Variants in CYB5R3 observed in about 807,000 individuals in gnomAD.
CYB5R3 encodes NADH-cytochrome b5 reductase 3.
A neutral mutation model predicts 36.5 loss-of-function variants in CYB5R3; 28 were observed. The ratio of observed to expected loss-of-function variants is 0.77; its 90% CI spans 0.57 to 1.05. The LOEUF (loss-of-function observed/expected upper bound fraction) is 1.05, where lower values mean the gene tolerates loss of function less well. Ranked by LOEUF, CYB5R3 falls within the 50% of genes least tolerant of loss-of-function variation. CYB5R3 has a pLI of 0.00. For synonymous variants in CYB5R3, 181 were observed against 159.8 expected, an observed-to-expected ratio of 1.13 and a Z score of -1.00; for missense variants, 474 against 408.9, an observed-to-expected ratio of 1.16 and a Z score of -1.37.
intron 2 of CYB5R3, among the ~76,000 whole-genome samples, chr22:42,634,911 T>G (rs1928810440): frequency 6.6e-6 from 1 of 150,816 alleles, no homozygotes; most frequent in African/African-American, 2.4e-5. Flanking sequence ...TTCACGCCAT[T>G]CTCCTGCTTC....
At chr22:42,627,810 A>G (rs1928369449) in intron 5 of CYB5R3, 122 bp from the exon 6 acceptor site, 1 of 797,764 alleles carries the variant, frequency 1.3e-6, no homozygotes. Flanking sequence ...GGCAGCTGCC[A>G]TTCTAACGCG....
In CYB5R3 at chr22:42,618,228, A is replaced by C. The variant is rs1927729841; in HGVS notation, c.*1545T>G. The stretch of plus-strand genomic sequence containing the variant: ...CTCTGCACTTTCCAAATTTTCTACC[A>C]CAAAGATACATCAGAAATAAATGCT... On this transcript the variant is annotated 3_prime_UTR_variant, in exon 9 of 9. Coordinates refer to ENST00000352397, the MANE Select transcript of CYB5R3 (RefSeq NM_000398.7). 6.6e-6 allele frequency: 1 copy of C among 152,228 alleles called. No homozygotes were observed. Among genetic ancestry groups the C allele is most frequent in the Admixed American group, 6.5e-5 (1 of 15,284 alleles). The allele number at this position is 152,228 out of a possible 1,614,324, so 9.4% of individuals were successfully genotyped here.
chr22:42,622,150 G>A (rs1437908191), intron 8 of CYB5R3, among the ~76,000 whole-genome samples: 2 of 152,154 alleles, frequency 1.3e-5, no homozygotes, highest in Non-Finnish European at 2.9e-5. Context: ...TCGATCTCTT[G>A]ACCTCATGAT....
chr22:42,649,296 G>C lies in CYB5R3; in HGVS notation c.20C>G (p.Thr7Arg). The change falls in exon 1 of 9, where the codon ACG becomes AGG. Residue 7 changes from threonine to arginine, a missense_variant and splice_region_variant. Transcript: ENST00000352397. MGAQLS[T>R]LGHMVLFPVW... Reference sequence around the variant, plus strand: ...CCCCGGCGCCCCCTCCCCGCCTACCGTGCTGAGCTGGGCCCCCATGGTGGC... The same window carrying C: ...CCCCGGCGCCCCCTCCCCGCCTACCCTGCTGAGCTGGGCCCCCATGGTGGC... 1 of 1,021,536 alleles carries C rather than the reference G, an allele frequency of 9.8e-7. No individual in the cohort carries two copies. Among genetic ancestry groups the C allele is most frequent in the Non-Finnish European group, 1.2e-6 (1 of 850,362 alleles). 63.3% of individuals were successfully genotyped at this position (1,021,536 alleles called of 1,614,324 possible).
At position 42,626,851 on chromosome 22, in the gene CYB5R3, C is replaced by T. The variant is rs182788011; in HGVS notation, c.633+453G>A. ...AGGGCGGGCAGGCAGGCAGTGGGCT[C>T]GTGGACAAGGATATGAATCAGGAGC... is the stretch of plus-strand genomic sequence containing the variant. On this transcript the variant is annotated intron_variant, in intron 7 of 8. Transcript: ENST00000352397. Among the ~76,000 whole-genome samples the T allele has an allele frequency of 1.4e-3, 213 of 152,282 alleles. 1 individual carries two copies. The highest frequency in any genetic ancestry group is 2.8e-3 in the Non-Finnish European group (192 of 68,010).
At chr22:42,646,549 T>G (rs530866887) in intron 1 of CYB5R3, 1 of 660,644 alleles carries the variant, frequency 1.5e-6, no homozygotes, top group South Asian at 6.7e-5. Context: ...CAGAGAGAGC[T>G]GCCAGGGCCC....
At chr22:42,620,472 G>A (rs1288779669) in intron 8 of CYB5R3, among the ~76,000 whole-genome samples, 1 of 152,126 alleles carries the variant, frequency 6.6e-6, no homozygotes, top group Non-Finnish European at 1.5e-5. Flanking sequence ...GTCGGCCCAT[G>A]AGGAACTGAG....
intron 1 of CYB5R3, chr22:42,640,170 C>T (rs762594007): frequency 1.9e-5 from 30 of 1,612,750 alleles, no homozygotes; most frequent in Middle Eastern, 1.6e-4. Flanking sequence ...CCAGCTCAAC[C>T]GTGGTGTAGT....
At chr22:42,630,209 T>C (rs1928534575) in intron 4 of CYB5R3, among the ~76,000 whole-genome samples, 1 of 152,134 alleles carries the variant, frequency 6.6e-6, no homozygotes, top group Admixed American at 6.5e-5. Flanking sequence ...CCCTAACGCC[T>C]GCATCTTCTC....
chr22:42,630,393 G>A (rs868500666), intron 4 of CYB5R3, among the ~76,000 whole-genome samples: 1 of 152,186 alleles, frequency 6.6e-6, no homozygotes, highest in Non-Finnish European at 1.5e-5. Flanking sequence ...CGCTGACCAC[G>A]GTGGAGTGGC....
At chr22:42,622,314 G>GC (rs1483984811) in intron 8 of CYB5R3, among the ~76,000 whole-genome samples, 1 of 151,980 alleles carries the variant, frequency 6.6e-6, no homozygotes, top group Non-Finnish European at 1.5e-5. Context: ...GCTCTGCTTG[G>GC]CCCCCCACAT....
intron 8 of CYB5R3, among the ~76,000 whole-genome samples, chr22:42,620,902 T>C (rs1927930058): frequency 6.6e-6 from 1 of 152,230 alleles, no homozygotes; most frequent in African/African-American, 2.4e-5. Context: ...TCCGTTTTTG[T>C]ACAAATCCCA....
intron 1 of CYB5R3, chr22:42,639,783 A>T: frequency 4.3e-6 from 3 of 704,430 alleles, no homozygotes; most frequent in Non-Finnish European, 6.8e-6. Context: ...ACTTACTCTT[A>T]AATGGTTCAA....
In CYB5R3 at chr22:42,619,488, G is replaced by T; in HGVS notation, c.*285C>A. ...CCCTCAGCCTTATAGTGTGTGTGGG[G>T]GGTGGACGAGGGGTCATGAGGACAG... On this transcript the variant is annotated 3_prime_UTR_variant, in exon 9 of 9. Transcript: ENST00000352397. 2.0e-6 allele frequency: 1 copy of T among 498,586 alleles called. No homozygotes were observed. Among genetic ancestry groups the T allele is most frequent in the Non-Finnish European group, 3.7e-6 (1 of 272,340 alleles). 30.9% of individuals were successfully genotyped at this position (498,586 alleles called of 1,614,324 possible). A position where few individuals can be genotyped will look rare whatever the true frequency, so the allele number is the denominator to read the frequency against.
chr22:42,636,664 G>A (rs1186071236), intron 2 of CYB5R3, 51 bp downstream of exon 2: 1 of 1,599,574 alleles, frequency 6.3e-7, no homozygotes, highest in Non-Finnish European at 8.5e-7. Context: ...CAGAGTAGGT[G>A]CTGGGCAATG....
chr22:42,644,958 C>T (rs760996924), intron 1 of CYB5R3, among the ~76,000 whole-genome samples: 27 of 152,168 alleles, frequency 1.8e-4, no homozygotes, highest in Non-Finnish European at 3.5e-4. Context: ...CCAGGCTCCC[C>T]GTGTGACAAT....
chr22:42,620,036 G>A, intron 8 of CYB5R3, 91 bp from the exon 9 acceptor site: 1 of 1,239,842 alleles, frequency 8.1e-7, no homozygotes. Context: ...TTCCTTAAAT[G>A]CTGAAGAATG....
chr22:42,644,920 C>T (rs545991491), intron 1 of CYB5R3, among the ~76,000 whole-genome samples: 1 of 152,310 alleles, frequency 6.6e-6, no homozygotes, highest in Non-Finnish European at 1.5e-5. Flanking sequence ...CTCCCCGGCC[C>T]TCCCACAGTG....
intron 1 of CYB5R3, among the ~76,000 whole-genome samples, chr22:42,641,496 G>GT (rs1210787160): frequency 2.0e-5 from 3 of 151,290 alleles, no homozygotes; most frequent in African/African-American, 7.3e-5. Flanking sequence ...GTTTTGTTTT[G>GT]TTTTTTTGAG....
Sources: allele counts gnomAD v4.1 joint callset (sites outside exome capture counted in the v4.1 genomes callset), GRCh38; gene constraint gnomAD v4.1.1; transcripts MANE v1.5; gene names NCBI Gene and HGNC (gene_info 2026-07-23, HGNC 2026-07-21).